The following PCLO variants were observed in gnomAD, a reference collection of about 807,000 sequenced individuals.
The protein encoded by PCLO is protein piccolo.
A neutral mutation model predicts 427.5 loss-of-function variants in PCLO; 82 were observed. That is an observed-to-expected ratio of 0.19 (90% CI 0.16 to 0.23). The LOEUF (loss-of-function observed/expected upper bound fraction) is 0.23. Ranked by LOEUF, PCLO falls within the 10% of genes least tolerant of loss-of-function variation. The pLI is 1.00. For synonymous variants in PCLO, 2,357 were observed against 2,155.4 expected (o/e 1.09, Z -2.59); for missense variants, 6,239 against 6,115.9 (o/e 1.02, Z -0.67).
chr7:83,051,889 A>G (rs989632527), intron 3 of PCLO, among the ~76,000 whole-genome samples: 9 of 152,108 alleles, frequency 5.9e-5, no homozygotes, highest in Non-Finnish European at 1.3e-4. Context: ...GAGATCCCAG[A>G]AATAGACTCA....
At chr7:83,075,865 T>C (rs1003305108) in intron 3 of PCLO, among the ~76,000 whole-genome samples, 4 of 152,172 alleles carry the variant, frequency 2.6e-5, no homozygotes, top group African/African-American at 7.2e-5. Context: ...CTTTGATATA[T>C]CTTTTATAGT....
chr7:82,804,933 A>G (rs1018749069), intron 21 of PCLO, among the ~76,000 whole-genome samples: 1 of 152,162 alleles, frequency 6.6e-6, no homozygotes. Flanking sequence ...CCAGAAGACT[A>G]GTTAATGGGC....
At chr7:82,964,781 C>T (rs1263253684) in intron 4 of PCLO, among the ~76,000 whole-genome samples, 1 of 152,048 alleles carries the variant, frequency 6.6e-6, no homozygotes, top group Non-Finnish European at 1.5e-5. Flanking sequence ...TGACTCTGAT[C>T]AAACTCATTT....
chr7:83,097,105 A>G (rs555419626), intron 3 of PCLO, among the ~76,000 whole-genome samples: 851 of 76,872 alleles, frequency 0.011, 205 homozygotes, highest in African/African-American at 0.042. Context: ...ATGAATATAT[A>G]TTATATATTA....
At chr7:82,844,673 T>G (rs1792454001) in intron 13 of PCLO, among the ~76,000 whole-genome samples, 1 of 152,146 alleles carries the variant, frequency 6.6e-6, no homozygotes, top group South Asian at 2.1e-4. Context: ...ATTTTGTATA[T>G]TTCCTCTGCT....
chr7:82,794,090 G>C (rs916906311), intron 22 of PCLO, among the ~76,000 whole-genome samples: 2 of 151,984 alleles, frequency 1.3e-5, no homozygotes, highest in African/African-American at 2.4e-5. Context: ...TTGAGATATC[G>C]TTTGAATTCT....
chr7:82,867,881 T>C (rs1793135645), intron 10 of PCLO, among the ~76,000 whole-genome samples: 1 of 152,184 alleles, frequency 6.6e-6, no homozygotes, highest in Non-Finnish European at 1.5e-5. Flanking sequence ...ATGTATCTAA[T>C]CACTAGTATC....
intron 3 of PCLO, among the ~76,000 whole-genome samples, chr7:83,019,383 T>A (rs1454702417): frequency 1.3e-5 from 2 of 151,822 alleles, no homozygotes; most frequent in Admixed American, 1.3e-4. Context: ...TATTTAATAA[T>A]CTAATATATT....
At position 83,050,572 on chromosome 7, in the gene PCLO, A is replaced by G. The variant is rs115155146; in HGVS notation, c.3300+83678T>C. ...GCAAATCAAATCTAACGAAGTATAA[A>G]AAGAAAATTATATACAACAACCAAT... On this transcript the variant is annotated intron_variant, in intron 3 of 24. Coordinates refer to ENST00000333891, the MANE Select transcript of PCLO (RefSeq NM_033026.6). Among the ~76,000 whole-genome samples the G allele has an allele frequency of 2.6e-3, 392 of 152,104 alleles. 2 individuals are homozygous for G. The highest frequency in any genetic ancestry group is 9.1e-3 in the African/African-American group (378 of 41,496).
intron 22 of PCLO, among the ~76,000 whole-genome samples, chr7:82,782,822 A>G (rs1462005870): frequency 6.6e-6 from 1 of 152,210 alleles, no homozygotes; most frequent in East Asian, 1.9e-4. Context: ...AGATGCCTTA[A>G]CACAATCTCT....
chr7:83,107,023 C>T (rs1055372279), intron 3 of PCLO, among the ~76,000 whole-genome samples: 1 of 151,960 alleles, frequency 6.6e-6, no homozygotes, highest in Admixed American at 6.6e-5. Context: ...CATCTATAAG[C>T]CTGTGGATTT....
At position 83,135,295 on chromosome 7, in the gene PCLO, T is replaced by A; in HGVS notation, c.2255A>T (p.Asp752Val). 2.5e-6 allele frequency: 4 copies of A among 1,613,946 alleles called. No individual in the cohort carries two copies. The highest frequency in any genetic ancestry group is 3.4e-6 in the Non-Finnish European group (4 of 1,179,882). ...TACCATCTTGGGCTGCTTTGGTTTA[T>A]CATCAGCAACAGGGGCCTTGTCCTG... is the stretch of plus-strand genomic sequence containing the variant. ...SEQDKAPVAD[D>V]KPKQPKMVKP... The change falls in exon 3 of 25, where the codon GAT becomes GTT. Residue 752 changes from aspartate to valine, a missense_variant. Asp to Val is a radical substitution (Grantham distance 152). Coordinates refer to ENST00000333891, the MANE Select transcript of PCLO (RefSeq NM_033026.6).
intron 6 of PCLO, among the ~76,000 whole-genome samples, chr7:82,939,348 T>C (rs1795026523): frequency 6.6e-6 from 1 of 152,036 alleles, no homozygotes; most frequent in Admixed American, 6.6e-5. Flanking sequence ...ACAATTTTAA[T>C]AGTGACACAA....
At chr7:83,138,139 C>T (rs1791773744) in intron 2 of PCLO, among the ~76,000 whole-genome samples, 1 of 152,148 alleles carries the variant, frequency 6.6e-6, no homozygotes, top group Non-Finnish European at 1.5e-5. Context: ...ATAATTCTTA[C>T]ATGTATAGTC....
chr7:82,915,296 A>T lies in PCLO; in HGVS notation c.12690T>A (p.Ile4230=), dbSNP rs566471200. The T allele has an allele frequency of 5.5e-5, 88 of 1,613,640 alleles. 1 individual carries two copies. In the South Asian group the frequency reaches 9.3e-4, roughly 17 times the overall value. The change falls in exon 7 of 25, where the codon ATT becomes ATA. Residue 4230 remains isoleucine, a synonymous_variant. Coordinates refer to ENST00000333891, the MANE Select transcript of PCLO (RefSeq NM_033026.6). ...MTSSTSSIGG[I]SSRARLLQDD... Reference sequence around the variant, plus strand: ...CTTGAAGGAGCCTTGCCCTGGAGGAAATGCCACCAATAGATGAAGTGCTAG... The same window carrying T: ...CTTGAAGGAGCCTTGCCCTGGAGGATATGCCACCAATAGATGAAGTGCTAG...
At chr7:82,877,528 G>GA (rs1793402137) in intron 10 of PCLO, among the ~76,000 whole-genome samples, 1 of 152,118 alleles carries the variant, frequency 6.6e-6, no homozygotes, top group African/African-American at 2.4e-5. Context: ...TATAGTCATA[G>GA]AAAACGCATA....
At chr7:82,971,242 G>A (rs994463666) in intron 3 of PCLO, among the ~76,000 whole-genome samples, 1 of 151,688 alleles carries the variant, frequency 6.6e-6, no homozygotes, top group Admixed American at 6.6e-5. Context: ...TTTACTTGCT[G>A]AAAAGATTTA....
At chr7:83,016,368 C>T (rs527800194) in intron 3 of PCLO, among the ~76,000 whole-genome samples, 4 of 152,210 alleles carry the variant, frequency 2.6e-5, no homozygotes, top group African/African-American at 7.2e-5. Context: ...ACTCAGTTCA[C>T]ATGTTAGGGT....
intron 6 of PCLO, among the ~76,000 whole-genome samples, chr7:82,945,524 T>C (rs777700321): frequency 1.3e-5 from 2 of 152,162 alleles, no homozygotes; most frequent in African/African-American, 4.8e-5. Context: ...TAAATCAATA[T>C]GGTAGTATCC....
Sources: gnomAD v4.1 joint callset for allele counts (sites outside exome capture counted in the v4.1 genomes callset) on GRCh38, gnomAD v4.1.1 for gene constraint, MANE v1.5 for transcripts, NCBI Gene and HGNC (gene_info 2026-07-23, HGNC 2026-07-21) for gene names.